Variants in SERINC3 observed in about 807,000 individuals in gnomAD.
SERINC3 encodes the protein serine incorporator 3, also known as tumor differentially expressed protein 1.
Under a neutral mutation model 52.1 loss-of-function variants are expected in SERINC3, and 22 were observed. That is an observed-to-expected ratio of 0.42 (90% CI 0.30 to 0.60). SERINC3 has a LOEUF of 0.60. Ranked by LOEUF, SERINC3 falls within the 20% of genes least tolerant of loss-of-function variation. The probability of loss-of-function intolerance (pLI) is 0.16; values close to 1 mark genes in which losing one functional copy is unlikely to be tolerated. For missense variants in SERINC3, 564 were observed against 584.6 expected (o/e 0.96, Z 0.36); for synonymous variants, 226 against 212.7 (o/e 1.06, Z -0.54).
intron 5 of SERINC3, among the ~76,000 whole-genome samples, chr20:44,508,252 G>A (rs1000255314): frequency 3.9e-5 from 6 of 152,168 alleles, no homozygotes; most frequent in Non-Finnish European, 8.8e-5. Flanking sequence ...GGGAGGGCAA[G>A]GCAGGTGGAT....
At chr20:44,509,824 A>C in intron 5 of SERINC3, 67 bp downstream of exon 5, 1 of 1,534,604 alleles carries the variant, frequency 6.5e-7, no homozygotes, top group African/African-American at 1.4e-5. Flanking sequence ...GACTATAATG[A>C]TGATTTTTAT....
chr20:44,516,030 G>A (rs940611005), intron 1 of SERINC3, among the ~76,000 whole-genome samples: 8 of 152,084 alleles, frequency 5.3e-5, no homozygotes, highest in African/African-American at 1.7e-4. Flanking sequence ...AGGGCCAGGC[G>A]TGGTGGCTCA....
chr20:44,509,092 A>C (rs1050620052), intron 5 of SERINC3, among the ~76,000 whole-genome samples: 1 of 152,202 alleles, frequency 6.6e-6, no homozygotes, highest in Non-Finnish European at 1.5e-5. Flanking sequence ...AATGTGTGCA[A>C]ATGTATATTA....
At position 44,517,307 on chromosome 20, in the gene SERINC3, TACAGTATAGGCCAAAC is replaced by T. The variant is rs544109920; in HGVS notation, c.40-3283_40-3268del. Among the ~76,000 whole-genome samples the T allele has an allele frequency of 3.2e-3, 483 of 152,358 alleles. 2 individuals carry two copies. The highest frequency in any genetic ancestry group is 0.011 in the African/African-American group (468 of 41,574). On this transcript the variant is annotated intron_variant, in intron 1 of 9. Transcript: ENST00000342374. Reference sequence around the variant, plus strand: ...CCAGTCTCAGTCTCCAATTCTTAACTACAGTATAGGCCAAACACTGCAGAGGCATGTCCTCCACAAA... The same window carrying T: ...CCAGTCTCAGTCTCCAATTCTTAACTACTGCAGAGGCATGTCCTCCACAAA...
chr20:44,522,030 C>G lies in SERINC3; in HGVS notation c.-79G>C. 7.0e-7 allele frequency: 1 copy of G among 1,420,944 alleles called. No individual in the cohort carries two copies. The highest frequency in any genetic ancestry group is 9.7e-7 in the Non-Finnish European group (1 of 1,030,436). The allele number at this position is 1,420,944 out of a possible 1,614,324, so 88.0% of individuals were successfully genotyped here. On this transcript the variant is annotated 5_prime_UTR_variant, in exon 1 of 10. Coordinates refer to ENST00000342374, the MANE Select transcript of SERINC3 (RefSeq NM_006811.4). ...GTAACTGCCAGCTGAGGTGACTCCC[C>G]AGAAACATGACGGTTTCTCAGGCCG... is the stretch of plus-strand genomic sequence containing the variant.
chr20:44,516,318 C>A (rs542384908), intron 1 of SERINC3, among the ~76,000 whole-genome samples: 3 of 152,212 alleles, frequency 2.0e-5, no homozygotes, highest in African/African-American at 7.2e-5. Context: ...AAAGAGTAAC[C>A]TAGATCTTTA....
In SERINC3 at chr20:44,522,064, G is replaced by C. The variant is rs2064421651; in HGVS notation, c.-113C>G. The C allele has an allele frequency of 8.5e-7, 1 of 1,182,038 alleles. No homozygotes were observed. Among genetic ancestry groups the C allele is most frequent in the African/African-American group, 1.5e-5 (1 of 65,750 alleles). The allele number at this position is 1,182,038 out of a possible 1,614,324, so 73.2% of individuals were successfully genotyped here. A position where few individuals can be genotyped will look rare whatever the true frequency, so the allele number is the denominator to read the frequency against. On this transcript the variant is annotated 5_prime_UTR_variant, in exon 1 of 10. Transcript: ENST00000342374. ...GACGGTTTCTCAGGCCGGAAACGCAGCCTTCCACAGACGCACGGATGCGTC... is the reference window on the plus strand; with the variant it reads ...GACGGTTTCTCAGGCCGGAAACGCACCCTTCCACAGACGCACGGATGCGTC...
chr20:44,511,909 G>A (rs1012121802), intron 3 of SERINC3, among the ~76,000 whole-genome samples: 1 of 152,206 alleles, frequency 6.6e-6, no homozygotes, highest in Admixed American at 6.5e-5. Context: ...CCTCCAACTG[G>A]TTAACAGGTC....
chr20:44,510,590 G>A (rs552905547), intron 4 of SERINC3, among the ~76,000 whole-genome samples: 16 of 152,202 alleles, frequency 1.1e-4, no homozygotes, highest in Non-Finnish European at 2.2e-4. Context: ...GAGGCAGGTG[G>A]ATCATGAGGT....
Position 44,512,992 on chromosome 20 carries a change from A to C in SERINC3, c.204T>G (p.Ile68Met). The C allele has an allele frequency of 6.7e-7, 1 of 1,493,004 alleles. No homozygotes were observed. The highest frequency in any genetic ancestry group is 8.9e-7 in the Non-Finnish European group (1 of 1,128,246). The allele number at this position is 1,493,004 out of a possible 1,614,324, so 92.5% of individuals were successfully genotyped here. ...RKEMETYLKK[I>M]PGFCEGGFKI... ...TAAATCCCCCTTCACAAAATCCAGG[A>C]ATCTGGAAAAAAGCAATTTCAATGT... Residue 68 changes from isoleucine to methionine, a missense_variant and splice_region_variant, in exon 3 of 10, where the codon ATT becomes ATG. Physicochemically the swap from Ile to Met is conservative, Grantham distance 10. Transcript: ENST00000342374.
chr20:44,514,062 C>A, intron 1 of SERINC3, 22 bp from the exon 2 acceptor site: 2 of 1,610,296 alleles, frequency 1.2e-6, no homozygotes, highest in South Asian at 2.2e-5. Flanking sequence ...ACACCATGGT[C>A]ACCTGAGACC....
chr20:44,500,980 GAGCA>G, intron 9 of SERINC3, 89 bp downstream of exon 9: 1 of 866,506 alleles, frequency 1.2e-6, no homozygotes, highest in Non-Finnish European at 1.9e-6. Flanking sequence ...ATATGGGTAA[GAGCA>G]AGGGTTCTGA....
chr20:44,514,182 G>T, intron 1 of SERINC3, 142 bp from the exon 2 acceptor site: 1 of 857,404 alleles, frequency 1.2e-6, no homozygotes, highest in Non-Finnish European at 1.7e-6. Context: ...GTGGTTAAAA[G>T]TACGGGCTCT....
intron 4 of SERINC3, among the ~76,000 whole-genome samples, chr20:44,511,088 A>G (rs1488652092): frequency 6.6e-6 from 1 of 151,738 alleles, no homozygotes; most frequent in East Asian, 2.0e-4. Context: ...TAATTTTTGT[A>G]TTTTTAGTAG....
At position 44,499,177 on chromosome 20, in the gene SERINC3, G is replaced by A. The variant is rs1234821997; in HGVS notation, c.*1119C>T. 1 of 152,300 alleles carries A rather than the reference G, an allele frequency of 6.6e-6. No individual in the cohort carries two copies. Among genetic ancestry groups the A allele is most frequent in the Non-Finnish European group, 1.5e-5 (1 of 68,034 alleles). 9.4% of individuals were successfully genotyped at this position (152,300 alleles called of 1,614,324 possible). A position where few individuals can be genotyped will look rare whatever the true frequency, so the allele number is the denominator to read the frequency against. On this transcript the variant is annotated 3_prime_UTR_variant, in exon 10 of 10. Coordinates refer to ENST00000342374, the MANE Select transcript of SERINC3 (RefSeq NM_006811.4). ...TTAACACTGTACCCCAAAACCTACA[G>A]GGTCTAGTACAGAATAGACAGTAAA...
chr20:44,513,831 T>C, intron 2 of SERINC3, 48 bp downstream of exon 2: 1 of 1,442,858 alleles, frequency 6.9e-7, no homozygotes, highest in Non-Finnish European at 9.2e-7. Flanking sequence ...TTTTGCAGAA[T>C]ATAAAAATAA....
rs542629514 is a variant in SERINC3 at position 44,504,710 on chromosome 20, T to C, written c.874+91A>G. 5.1e-5 allele frequency: 53 copies of C among 1,036,228 alleles called. No individual in the cohort carries two copies. The African/African-American group carries it at 7.4e-4, about 14-fold the overall frequency. The allele number at this position is 1,036,228 out of a possible 1,614,324, so 64.2% of individuals were successfully genotyped here. A position where few individuals can be genotyped will look rare whatever the true frequency, so the allele number is the denominator to read the frequency against. ...TAAGTTTTGTTTGCTTGTTTCACAT[T>C]TGCTCTAGCTCTAGTTTTTGTACCA... On this transcript the variant is annotated intron_variant, in intron 7 of 9. Transcript: ENST00000342374.
intron 1 of SERINC3, among the ~76,000 whole-genome samples, chr20:44,520,273 G>A (rs1358344832): frequency 6.6e-6 from 1 of 152,148 alleles, no homozygotes; most frequent in African/African-American, 2.4e-5. Context: ...TACTCCGGGA[G>A]GCTGAAACAT....
chr20:44,509,395 A>C (rs754458323), intron 5 of SERINC3, among the ~76,000 whole-genome samples: 8 of 152,232 alleles, frequency 5.3e-5, no homozygotes, highest in Admixed American at 1.3e-4. Context: ...AAACACATGT[A>C]ATTAAATTAT....
Sources: allele counts gnomAD v4.1 joint callset (sites outside exome capture counted in the v4.1 genomes callset), GRCh38; gene constraint gnomAD v4.1.1; transcripts MANE v1.5; gene names NCBI Gene and HGNC (gene_info 2026-07-23, HGNC 2026-07-21).